Variants in SLC35F2 observed in about 807,000 individuals in gnomAD.
The protein encoded by SLC35F2 is solute carrier family 35 member F2.
SLC35F2 carries 25 observed loss-of-function variants against 38.1 expected under a neutral mutation model. That is an observed-to-expected ratio of 0.66 (90% CI 0.48 to 0.92). SLC35F2 has a LOEUF of 0.92. SLC35F2 is among the 40% of genes least tolerant of loss of function. The pLI is 0.00. For missense variants in SLC35F2, 409 were observed against 452.9 expected (o/e 0.90, Z 0.88); for synonymous variants, 173 against 181.7 (o/e 0.95, Z 0.38).
At chr11:107,805,194 A>G in intron 5 of SLC35F2, 165 bp downstream of exon 5, 1 of 977,296 alleles carries the variant, frequency 1.0e-6, no homozygotes, top group Non-Finnish European at 1.2e-6. Flanking sequence ...CCTCTAGTAG[A>G]CACTCAGCAA....
chr11:107,844,186 C>A (rs1052414267), intron 1 of SLC35F2, among the ~76,000 whole-genome samples: 4 of 152,032 alleles, frequency 2.6e-5, no homozygotes, highest in Non-Finnish European at 5.9e-5. Flanking sequence ...CTCTGGGGGC[C>A]AGACTGCCTG....
At chr11:107,815,161 G>A (rs1859547495) in intron 2 of SLC35F2, among the ~76,000 whole-genome samples, 1 of 152,040 alleles carries the variant, frequency 6.6e-6, no homozygotes, top group African/African-American at 2.4e-5. Context: ...AAATATTTTG[G>A]AGAGTAAGGT....
Position 107,858,662 on chromosome 11 carries a change from T to C in SLC35F2, c.106A>G (p.Thr36Ala). ...CAGCACGCCCCTTCCACTCACCAGGTGAAGAGTTTGCCTTTTATCCTGCGC... is the reference window on the plus strand; with the variant it reads ...CAGCACGCCCCTTCCACTCACCAGGCGAAGAGTTTGCCTTTTATCCTGCGC... Reference protein sequence around the residue: ...LLRRIKGKLFTWNILKTIALG... With the variant: ...LLRRIKGKLFAWNILKTIALG... The change falls in exon 1 of 8, where the codon ACC (threonine) becomes GCC (alanine). Residue 36 changes from threonine (T) to alanine (A), a missense_variant. Transcript: ENST00000525815. 1 of 1,298,298 alleles carries C rather than the reference T, an allele frequency of 7.7e-7. No homozygotes were observed. The highest frequency in any genetic ancestry group is 9.9e-7 in the Non-Finnish European group (1 of 1,015,228). 80.4% of individuals were successfully genotyped at this position (1,298,298 alleles called of 1,614,324 possible).
chr11:107,808,033 C>G (rs1164840262), intron 3 of SLC35F2, among the ~76,000 whole-genome samples: 2 of 152,210 alleles, frequency 1.3e-5, no homozygotes, highest in Admixed American at 1.3e-4. Flanking sequence ...TCCTTAGGAG[C>G]ACACAAAGCT....
At chr11:107,812,026 T>C (rs1238756551) in intron 2 of SLC35F2, among the ~76,000 whole-genome samples, 1 of 152,054 alleles carries the variant, frequency 6.6e-6, no homozygotes, top group African/African-American at 2.4e-5. Context: ...CTCAGCCTCC[T>C]GAGTAGCTGG....
At chr11:107,811,894 T>C in intron 2 of SLC35F2, 100 bp from the exon 3 acceptor site, 1 of 1,129,416 alleles carries the variant, frequency 8.9e-7, no homozygotes, top group East Asian at 2.5e-5. Flanking sequence ...TCTTGTTTTT[T>C]TTTCTTTTTT....
At chr11:107,803,794 C>G (rs1350342198) in intron 6 of SLC35F2, among the ~76,000 whole-genome samples, 1 of 151,796 alleles carries the variant, frequency 6.6e-6, no homozygotes, top group Non-Finnish European at 1.5e-5. Context: ...CACACACACA[C>G]ACACACTTTC....
intron 7 of SLC35F2, among the ~76,000 whole-genome samples, chr11:107,794,958 C>G (rs539295788): frequency 6.6e-6 from 1 of 152,054 alleles, no homozygotes; most frequent in Non-Finnish European, 1.5e-5. Context: ...TTTACAACAG[C>G]TACACAAAAT....
intron 1 of SLC35F2, among the ~76,000 whole-genome samples, chr11:107,822,208 T>C (rs905155427): frequency 1.3e-5 from 2 of 152,078 alleles, no homozygotes; most frequent in African/African-American, 2.4e-5. Flanking sequence ...CACTCCAGCG[T>C]GGGCAACAAA....
At chr11:107,852,904 C>T (rs537716785) in intron 1 of SLC35F2, among the ~76,000 whole-genome samples, 18 of 150,924 alleles carry the variant, frequency 1.2e-4, no homozygotes, top group Admixed American at 1.1e-3. Flanking sequence ...TTTAGCCAGG[C>T]GTGGTGGCCC....
chr11:107,805,564 C>T (rs1859377826), intron 4 of SLC35F2, 49 bp from the exon 5 acceptor site: 1 of 1,579,794 alleles, frequency 6.3e-7, no homozygotes, highest in East Asian at 2.3e-5. Flanking sequence ...ACAGATGAAC[C>T]TCCACAGCGT....
chr11:107,797,364 T>G (rs1859236366), intron 7 of SLC35F2, among the ~76,000 whole-genome samples: 1 of 144,946 alleles, frequency 6.9e-6, no homozygotes, highest in Non-Finnish European at 1.5e-5. Flanking sequence ...AAGGAGGGGG[T>G]GGAAGGAGTG....
At position 107,791,776 on chromosome 11, in the gene SLC35F2, C is replaced by G. The variant is rs1859135851; in HGVS notation, c.*839G>C. The G allele has an allele frequency of 6.6e-6, 1 of 152,074 alleles. No homozygotes were observed. The highest frequency in any genetic ancestry group is 2.4e-5 in the African/African-American group (1 of 41,362). The allele number at this position is 152,074 out of a possible 1,614,324, so 9.4% of individuals were successfully genotyped here. Reference sequence around the variant, plus strand: ...CTGTAATCCCAGCACTTTGGGAGGTCGGGGCAGGCAGATCACTTGAGGTCG... The same window carrying G: ...CTGTAATCCCAGCACTTTGGGAGGTGGGGGCAGGCAGATCACTTGAGGTCG... On this transcript the variant is annotated 3_prime_UTR_variant, in exon 8 of 8. Coordinates refer to ENST00000525815, the MANE Select transcript of SLC35F2 (RefSeq NM_017515.5).
chr11:107,801,159 A>G (rs899499964), intron 7 of SLC35F2, among the ~76,000 whole-genome samples: 1 of 152,028 alleles, frequency 6.6e-6, no homozygotes, highest in African/African-American at 2.4e-5. Flanking sequence ...CACCCTCCTC[A>G]GCTTCCCAAA....
chr11:107,819,862 C>G (rs1422699111), intron 1 of SLC35F2, among the ~76,000 whole-genome samples: 1 of 152,112 alleles, frequency 6.6e-6, no homozygotes, highest in African/African-American at 2.4e-5. Context: ...ACTCATGTTA[C>G]AGATGGAGAA....
At chr11:107,827,547 G>A (rs543928980) in intron 1 of SLC35F2, among the ~76,000 whole-genome samples, 2 of 152,086 alleles carry the variant, frequency 1.3e-5, no homozygotes, top group East Asian at 1.9e-4. Flanking sequence ...TCAGGAGTTC[G>A]AGACCAGCCT....
In SLC35F2 at chr11:107,858,594, T is replaced by G. The variant is rs565138249; in HGVS notation, c.110+64A>C. On this transcript the variant is annotated intron_variant, in intron 1 of 7. Transcript: ENST00000525815. ...TCAGAGAGTGTGCTCCTTGTCCACG[T>G]GCGCGCAGGGCCCGCAGCCGCCCCC... The G allele has an allele frequency of 2.1e-4, 264 of 1,232,346 alleles. No homozygotes were observed. The East Asian group carries it at 6.8e-3, about 32-fold the overall frequency. 76.3% of individuals were successfully genotyped at this position (1,232,346 alleles called of 1,614,324 possible).
At chr11:107,830,958 T>C (rs74828860) in intron 1 of SLC35F2, among the ~76,000 whole-genome samples, 3,844 of 152,342 alleles carry the variant, frequency 0.025, 157 homozygotes, top group African/African-American at 0.087. Flanking sequence ...TGAAGATTGC[T>C]GATCTAATAT....
rs1002783829 is a variant in SLC35F2 at position 107,841,981 on chromosome 11, G to T, written c.110+16677C>A. ...CTCGGGAGGCTGAGGCAGGAGAATT[G>T]CGTGAACCCAGGAGGTGGAGGTTGC... On this transcript the variant is annotated intron_variant, in intron 1 of 7. Transcript: ENST00000525815. Among the ~76,000 whole-genome samples the T allele has an allele frequency of 2.6e-5, 4 of 151,242 alleles. No individual in the cohort carries two copies. The East Asian group carries it at 7.8e-4, about 29-fold the overall frequency.
Sources: allele counts gnomAD v4.1 joint callset (sites outside exome capture counted in the v4.1 genomes callset), GRCh38; gene constraint gnomAD v4.1.1; transcripts MANE v1.5; gene names NCBI Gene and HGNC (gene_info 2026-07-23, HGNC 2026-07-21).